ARHGAP22: variants seen among roughly 807,000 people sequenced by gnomAD.
The protein encoded by ARHGAP22 is Rho GTPase activating protein 22, also known as rho GTPase-activating protein 22.
Under a neutral mutation model 59.1 loss-of-function variants are expected in ARHGAP22, and 48 were observed. The observed-to-expected ratio is 0.81, with a 90% CI of 0.64 to 1.03. The LOEUF is 1.03. Among genes scored for constraint, ARHGAP22 ranks in the 50% least tolerant of loss-of-function variants. The pLI is 0.00. For synonymous variants in ARHGAP22, 445 were observed against 416.4 expected (o/e 1.07, Z -0.84); for missense variants, 1,015 against 958.7 (o/e 1.06, Z -0.78).
intron 1 of ARHGAP22, among the ~76,000 whole-genome samples, chr10:48,587,789 CT>C (rs1301009739): frequency 6.6e-6 from 1 of 152,224 alleles, no homozygotes; most frequent in Non-Finnish European, 1.5e-5. Flanking sequence ...ATTAAATGCA[CT>C]TGCTCTTCTT....
At chr10:48,608,158 T>C (rs894054650), upstream of ARHGAP22, among the ~76,000 whole-genome samples, 1 of 152,218 alleles carries the variant, frequency 6.6e-6, no homozygotes, top group African/African-American at 2.4e-5. Context: ...ATGGGGTGTT[T>C]GCTGGCTGCC....
chr10:48,464,032 T>G, intron 4 of ARHGAP22, among the ~76,000 whole-genome samples: 1 of 152,174 alleles, frequency 6.6e-6, no homozygotes, highest in South Asian at 2.1e-4. Flanking sequence ...CGGCCTGCTG[T>G]CCCATCTCCT....
At chr10:48,651,898 G>A (rs1003748778) in intron 1 of ARHGAP22, among the ~76,000 whole-genome samples, 2 of 152,110 alleles carry the variant, frequency 1.3e-5, no homozygotes, top group Non-Finnish European at 2.9e-5. Context: ...GCTGCACACA[G>A]CGTTCCCCTG....
At chr10:48,555,656 G>A (rs748590942) in intron 2 of ARHGAP22, 106 bp from the exon 3 acceptor site, 7 of 1,080,204 alleles carry the variant, frequency 6.5e-6, no homozygotes, top group African/African-American at 3.1e-5. Flanking sequence ...GGCCCTCCAG[G>A]CCATGGCTGG....
At chr10:48,534,713 G>C (rs1432843480) in intron 3 of ARHGAP22, among the ~76,000 whole-genome samples, 1 of 152,354 alleles carries the variant, frequency 6.6e-6, no homozygotes, top group South Asian at 2.1e-4. Context: ...ACTAAGGCTT[G>C]AAGTGGTTAA....
Position 48,622,231 on chromosome 10 carries a change from C to T in ARHGAP22, c.52+30003G>A, listed in dbSNP as rs529152457. 4.6e-5 allele frequency among the ~76,000 whole-genome samples: 7 copies of T among 152,104 alleles called. No individual in the cohort carries two copies. In the East Asian group the frequency reaches 1.2e-3, roughly 25 times the overall value. On this transcript the variant is annotated intron_variant, in intron 1 of 9. Transcript: ENST00000435790. ...ATCTTTTTTTGTTCCTCAACTACTG[C>T]CTTCTGTTGTGATAAAAAGACATTT...
upstream of ARHGAP22, among the ~76,000 whole-genome samples, chr10:48,655,254 T>TGGGGGGGGGGGGGGGGGGG (rs1416734914): frequency 2.3e-4 from 1 of 4,376 alleles, no homozygotes; most frequent in Non-Finnish European, 1.2e-3. Flanking sequence ...TGTGTGTGTG[T>TGGGGGGGGGGGGGGGGGGG]GTGGGGGGGG....
intron 3 of ARHGAP22, among the ~76,000 whole-genome samples, chr10:48,539,537 C>T (rs1397790090): frequency 6.6e-6 from 1 of 151,672 alleles, no homozygotes; most frequent in Non-Finnish European, 1.5e-5. Flanking sequence ...GTGATCCGCC[C>T]GCCTCGGCCT....
intron 2 of ARHGAP22, among the ~76,000 whole-genome samples, chr10:48,557,682 C>T (rs2057396016): frequency 6.6e-6 from 1 of 152,220 alleles, no homozygotes; most frequent in Non-Finnish European, 1.5e-5. Flanking sequence ...TGCAAGAAGC[C>T]ACCGTGGAGA....
At chr10:48,590,631 T>A (rs2059695421) in intron 1 of ARHGAP22, among the ~76,000 whole-genome samples, 1 of 152,218 alleles carries the variant, frequency 6.6e-6, no homozygotes, top group Non-Finnish European at 1.5e-5. Flanking sequence ...CCATAAACCC[T>A]TGAGTGGCCT....
At chr10:48,461,797 T>C (rs1318135530) in intron 4 of ARHGAP22, among the ~76,000 whole-genome samples, 1 of 152,200 alleles carries the variant, frequency 6.6e-6, no homozygotes, top group Non-Finnish European at 1.5e-5. Context: ...GGGTGGCTTG[T>C]GGGGTGTTCC....
At chr10:48,466,619 C>A (rs2047728293) in intron 4 of ARHGAP22, 1 of 142,558 alleles carries the variant, frequency 7.0e-6, no homozygotes, top group Admixed American at 6.9e-5. Flanking sequence ...GGCAAGGCGG[C>A]CGCGGGCAAG....
intron 3 of ARHGAP22, 40 bp downstream of exon 3, chr10:48,555,423 C>A: frequency 6.3e-7 from 1 of 1,594,856 alleles, no homozygotes; most frequent in Non-Finnish European, 8.6e-7. Context: ...ATGGCAACAC[C>A]CCCACCAGGG....
At chr10:48,562,595 T>A (rs2057759458) in intron 2 of ARHGAP22, among the ~76,000 whole-genome samples, 1 of 152,106 alleles carries the variant, frequency 6.6e-6, no homozygotes, top group African/African-American at 2.4e-5. Flanking sequence ...AAATGAGAAC[T>A]AAGCGGATCA....
At chr10:48,654,653 T>C (rs1459235050), upstream of ARHGAP22, among the ~76,000 whole-genome samples, 1 of 140,664 alleles carries the variant, frequency 7.1e-6, no homozygotes, top group Non-Finnish European at 1.5e-5. Context: ...ATAAGATACA[T>C]GAGACTGCCC....
At chr10:48,598,725 G>T (rs917422531) in intron 1 of ARHGAP22, among the ~76,000 whole-genome samples, 5 of 152,216 alleles carry the variant, frequency 3.3e-5, no homozygotes, top group Non-Finnish European at 7.3e-5. Context: ...TGTGGGACAG[G>T]CTCATTCCCT....
At position 48,541,997 on chromosome 10, in the gene ARHGAP22, G is replaced by A. The variant is rs143573934; in HGVS notation, c.322+13466C>T. ...GCAGGTTGGACAGGAGAAGGCTGTA[G>A]GGCAGGGGCCGGGTGCTGGAGGGAA... On this transcript the variant is annotated intron_variant, in intron 3 of 9. Transcript: ENST00000249601. Among the ~76,000 whole-genome samples the A allele has an allele frequency of 1.4e-4, 21 of 152,356 alleles. No homozygotes were observed. The East Asian group carries it at 3.9e-3, about 28-fold the overall frequency.
chr10:48,464,174 C>T (rs1393508740), intron 4 of ARHGAP22, among the ~76,000 whole-genome samples: 1 of 152,212 alleles, frequency 6.6e-6, no homozygotes, highest in Non-Finnish European at 1.5e-5. Flanking sequence ...TGGGGCCTCC[C>T]CTGCTCCCTG....
chr10:48,574,237 T>TATTC (rs59885986), intron 2 of ARHGAP22, among the ~76,000 whole-genome samples: 58,147 of 151,738 alleles, frequency 0.38, 12,586 homozygotes, highest in East Asian at 0.88. Context: ...TTTTCTCATT[T>TATTC]ATTCATTCAT....
Sources: gnomAD v4.1 joint callset for allele counts (sites outside exome capture counted in the v4.1 genomes callset) on GRCh38, gnomAD v4.1.1 for gene constraint, MANE v1.5 for transcripts, NCBI Gene and HGNC (gene_info 2026-07-23, HGNC 2026-07-21) for gene names.